The following KCNIP4 variants were observed in gnomAD, a reference collection of about 807,000 sequenced individuals.
The protein encoded by KCNIP4 is potassium voltage-gated channel interacting protein 4, also known as Kv channel-interacting protein 4.
KCNIP4 carries 12 observed loss-of-function variants against 34.0 expected under a neutral mutation model. That is an observed-to-expected ratio of 0.35 (90% confidence interval 0.23 to 0.57). KCNIP4 has a LOEUF of 0.57. Among genes scored for constraint, KCNIP4 ranks in the 20% least tolerant of loss-of-function variants. The probability of loss-of-function intolerance (pLI) is 0.83; values close to 1 mark genes in which losing one functional copy is unlikely to be tolerated. For missense variants in KCNIP4, 238 were observed against 311.7 expected (o/e 0.76, Z 1.78); for synonymous variants, 124 against 102.2 (o/e 1.21, Z -1.29).
chr4:21,217,333 A>G (rs1354195550), intron 1 of KCNIP4, among the ~76,000 whole-genome samples: 2 of 152,216 alleles, frequency 1.3e-5, no homozygotes, highest in East Asian at 1.9e-4. Flanking sequence ...TATGTACAAC[A>G]ATCTCAAAGA....
chr4:21,894,133 A>G lies in KCNIP4; in HGVS notation c.61+54438T>C, dbSNP rs186560895. Among the ~76,000 whole-genome samples the G allele has an allele frequency of 5.3e-5, 8 of 152,110 alleles. No homozygotes were observed. The East Asian group carries it at 1.2e-3, about 22-fold the overall frequency. On this transcript the variant is annotated intron_variant, in intron 1 of 8. Transcript: ENST00000382152. The stretch of plus-strand genomic sequence containing the variant: ...GATCGCTAGAGGTCAGAAGCTCAAG[A>G]CCAGCCTGGGAAACATGGTAAAACC...
At chr4:21,392,053 G>C (rs142047142) in intron 1 of KCNIP4, among the ~76,000 whole-genome samples, 1 of 152,240 alleles carries the variant, frequency 6.6e-6, no homozygotes, top group East Asian at 1.9e-4. Flanking sequence ...TACAAAAAAG[G>C]TATTTCTGAT....
intron 1 of KCNIP4, among the ~76,000 whole-genome samples, chr4:21,528,434 C>T (rs1269215653): frequency 2.0e-5 from 3 of 151,726 alleles, no homozygotes; most frequent in East Asian, 1.9e-4. Context: ...TTTGGGAGGC[C>T]GATGCGGGTG....
At chr4:21,885,684 T>C (rs1726723741) in intron 1 of KCNIP4, among the ~76,000 whole-genome samples, 1 of 152,136 alleles carries the variant, frequency 6.6e-6, no homozygotes, top group African/African-American at 2.4e-5. Context: ...AATTTGAACG[T>C]GTTTTGCTTT....
chr4:21,552,171 A>G (rs1286256112), intron 1 of KCNIP4, among the ~76,000 whole-genome samples: 1 of 152,092 alleles, frequency 6.6e-6, no homozygotes, highest in Non-Finnish European at 1.5e-5. Context: ...TAATTAGAAA[A>G]TGTTAATTCA....
At chr4:21,774,528 C>T (rs780866858) in intron 1 of KCNIP4, among the ~76,000 whole-genome samples, 8 of 152,138 alleles carry the variant, frequency 5.3e-5, no homozygotes, top group Admixed American at 1.3e-4. Flanking sequence ...TCCTGAAATG[C>T]GTTTTCCAGC....
chr4:21,033,891 G>A (rs770500643), intron 1 of KCNIP4, among the ~76,000 whole-genome samples: 7 of 152,086 alleles, frequency 4.6e-5, no homozygotes, highest in Non-Finnish European at 1.0e-4. Flanking sequence ...ATATTGACTT[G>A]TACTTATTGT....
chr4:21,473,090 G>T (rs1214481649), intron 1 of KCNIP4, among the ~76,000 whole-genome samples: 1 of 152,094 alleles, frequency 6.6e-6, no homozygotes, highest in Non-Finnish European at 1.5e-5. Context: ...ATGATGATTG[G>T]CAACGTTTCG....
chr4:21,062,945 C>G (rs1298030747), intron 1 of KCNIP4, among the ~76,000 whole-genome samples: 2 of 152,158 alleles, frequency 1.3e-5, no homozygotes, highest in Admixed American at 6.5e-5. Flanking sequence ...TTCTTACAGA[C>G]ACACTCAGAA....
intron 1 of KCNIP4, among the ~76,000 whole-genome samples, chr4:21,371,431 T>C (rs1420290317): frequency 6.8e-6 from 1 of 146,790 alleles, no homozygotes; most frequent in Non-Finnish European, 1.5e-5. Context: ...ATATGAGTTA[T>C]ATCTAAAAGG....
intron 1 of KCNIP4, among the ~76,000 whole-genome samples, chr4:21,257,139 T>G (rs1761112800): frequency 6.6e-6 from 1 of 152,146 alleles, no homozygotes; most frequent in Non-Finnish European, 1.5e-5. Flanking sequence ...GCTTGAGCAC[T>G]TTCATTGACA....
intron 1 of KCNIP4, among the ~76,000 whole-genome samples, chr4:21,538,428 C>T (rs374007165): frequency 4.9e-4 from 74 of 152,214 alleles, no homozygotes; most frequent in African/African-American, 1.7e-3. Flanking sequence ...ATCTGGGACA[C>T]GTATCAGTGT....
chr4:21,327,270 C>A (rs1429064164), intron 1 of KCNIP4, among the ~76,000 whole-genome samples: 1 of 151,940 alleles, frequency 6.6e-6, no homozygotes, highest in Admixed American at 6.6e-5. Flanking sequence ...TTTTGTTTTT[C>A]TGGGAAGGTC....
intron 1 of KCNIP4, among the ~76,000 whole-genome samples, chr4:21,738,718 C>A (rs1306437814): frequency 1.3e-5 from 2 of 152,126 alleles, no homozygotes; most frequent in Non-Finnish European, 2.9e-5. Context: ...TGTCATAACA[C>A]CTCCAAATAT....
At chr4:20,904,384 A>G (rs976957649) in intron 1 of KCNIP4, among the ~76,000 whole-genome samples, 28 of 150,484 alleles carry the variant, frequency 1.9e-4, no homozygotes, top group African/African-American at 6.3e-4. Flanking sequence ...ACCCTAGGAA[A>G]GTTATATGGG....
chr4:20,965,472 A>C (rs542087984), intron 1 of KCNIP4, among the ~76,000 whole-genome samples: 2 of 152,250 alleles, frequency 1.3e-5, no homozygotes, highest in South Asian at 4.1e-4. Flanking sequence ...CCCACTTAAA[A>C]AATTTCCCTC....
chr4:20,982,608 A>G (rs1017085135), intron 1 of KCNIP4, among the ~76,000 whole-genome samples: 1 of 152,254 alleles, frequency 6.6e-6, no homozygotes, highest in African/African-American at 2.4e-5. Context: ...TTACAATAGA[A>G]TGTATGTTCT....
intron 2 of KCNIP4, among the ~76,000 whole-genome samples, chr4:20,854,954 T>C (rs932730791): frequency 6.6e-6 from 1 of 152,212 alleles, no homozygotes; most frequent in African/African-American, 2.4e-5. Flanking sequence ...TGCCCATAGA[T>C]GTTTGGAAAA....
At chr4:21,635,666 TAGGA>T (rs1222784139) in intron 1 of KCNIP4, among the ~76,000 whole-genome samples, 10 of 152,064 alleles carry the variant, frequency 6.6e-5, no homozygotes, top group Admixed American at 6.6e-4. Flanking sequence ...TGTGGAGAAA[TAGGA>T]ACACTTTTAC....
Sources: gnomAD v4.1 joint callset for allele counts (sites outside exome capture counted in the v4.1 genomes callset) on GRCh38, gnomAD v4.1.1 for gene constraint, MANE v1.5 for transcripts, NCBI Gene and HGNC (gene_info 2026-07-23, HGNC 2026-07-21) for gene names.